Variants in MRPS27 observed in about 807,000 individuals in gnomAD.
The protein encoded by MRPS27 is small ribosomal subunit protein mS27.
MRPS27 carries 43 observed loss-of-function variants against 48.9 expected under a neutral mutation model. The observed-to-expected ratio is 0.88, with a 90% CI of 0.69 to 1.13. MRPS27 has a LOEUF of 1.13. Ranked by LOEUF, MRPS27 falls within the 50% of genes most tolerant of loss-of-function variation. The pLI, the probability that MRPS27 is intolerant of heterozygous loss-of-function variation, is 0.00. For synonymous variants in MRPS27, 188 were observed against 171.9 expected (o/e 1.09, Z -0.73); for missense variants, 467 against 476.3 (o/e 0.98, Z 0.18).
chr5:72,256,974 C>T (rs1748826681), intron 4 of MRPS27, among the ~76,000 whole-genome samples: 1 of 152,090 alleles, frequency 6.6e-6, no homozygotes, highest in Non-Finnish European at 1.5e-5. Flanking sequence ...GAGGTAGTCC[C>T]TAAGATGATT....
At chr5:72,237,950 T>C (rs1270568524) in intron 5 of MRPS27, 64 bp downstream of exon 5, 1 of 1,141,678 alleles carries the variant, frequency 8.8e-7, no homozygotes, top group Non-Finnish European at 1.3e-6. Flanking sequence ...TGTACTACAA[T>C]AGGTACAAAC....
rs1402061472 is a variant in MRPS27, at chr5:72,262,327, T to TG, written c.282-24200dup. On this transcript the variant is annotated intron_variant, in intron 4 of 10. Transcript: ENST00000261413. ...AGTCAACGAAAGGTGCTGCTGCTGC[T>TG]GCTGCTATTATTTCTATGCTGAGGT... 9.8e-5 allele frequency among the ~76,000 whole-genome samples: 15 copies of TG among 152,312 alleles called. No individual in the cohort carries two copies. The South Asian group carries it at 2.3e-3, about 23-fold the overall frequency.
At chr5:72,280,955 T>G (rs1749518428) in intron 4 of MRPS27, among the ~76,000 whole-genome samples, 2 of 152,194 alleles carry the variant, frequency 1.3e-5, no homozygotes, top group South Asian at 4.1e-4. Flanking sequence ...TCTTTTAGGG[T>G]CAGGAAGCTT....
intron 9 of MRPS27, among the ~76,000 whole-genome samples, chr5:72,224,967 C>T (rs773798883): frequency 1.4e-4 from 22 of 152,184 alleles, no homozygotes; most frequent in Non-Finnish European, 5.9e-5. Flanking sequence ...CCTTTTAATA[C>T]CACTAATACA....
intron 4 of MRPS27, among the ~76,000 whole-genome samples, chr5:72,292,715 A>G (rs1485489466): frequency 6.6e-6 from 1 of 152,190 alleles, no homozygotes; most frequent in Non-Finnish European, 1.5e-5. Context: ...AAATTTGATC[A>G]CTAGAAGAGG....
At chr5:72,257,637 T>C (rs536415455) in intron 4 of MRPS27, among the ~76,000 whole-genome samples, 1 of 152,234 alleles carries the variant, frequency 6.6e-6, no homozygotes, top group East Asian at 1.9e-4. Flanking sequence ...CCAAATGTAC[T>C]AGTATTTTAC....
chr5:72,248,291 T>C (rs1242334013), intron 4 of MRPS27, among the ~76,000 whole-genome samples: 1 of 152,184 alleles, frequency 6.6e-6, no homozygotes, highest in Non-Finnish European at 1.5e-5. Flanking sequence ...CAATTCCTTT[T>C]AATAGGATGA....
intron 2 of MRPS27, among the ~76,000 whole-genome samples, chr5:72,310,348 T>C (rs1750410960): frequency 6.6e-6 from 1 of 151,334 alleles, no homozygotes; most frequent in African/African-American, 2.4e-5. Flanking sequence ...CCAGGAAGGG[T>C]ACACAGTGAG....
chr5:72,241,905 A>G (rs1455150629), intron 4 of MRPS27, among the ~76,000 whole-genome samples: 1 of 152,228 alleles, frequency 6.6e-6, no homozygotes, highest in Admixed American at 6.5e-5. Context: ...GGCTGTCAAG[A>G]TAGGCAAACA....
chr5:72,237,387 A>C (rs145161006), intron 5 of MRPS27, among the ~76,000 whole-genome samples: 1 of 152,292 alleles, frequency 6.6e-6, no homozygotes, highest in East Asian at 1.9e-4. Flanking sequence ...CTCAAAAACA[A>C]AATCAGTATT....
intron 4 of MRPS27, among the ~76,000 whole-genome samples, chr5:72,246,947 C>G (rs891146422): frequency 6.6e-6 from 1 of 152,162 alleles, no homozygotes; most frequent in Non-Finnish European, 1.5e-5. Context: ...AACATCTCTT[C>G]TAAATTTAGG....
intron 4 of MRPS27, among the ~76,000 whole-genome samples, chr5:72,275,230 C>T (rs549651723): frequency 6.6e-6 from 1 of 152,162 alleles, no homozygotes; most frequent in Non-Finnish European, 1.5e-5. Context: ...TTCCTATGTA[C>T]CAACAACACA....
chr5:72,316,637 G>A (rs1176984225), intron 1 of MRPS27, among the ~76,000 whole-genome samples: 2 of 151,854 alleles, frequency 1.3e-5, no homozygotes, highest in Non-Finnish European at 2.9e-5. Flanking sequence ...CAAAGTGCTG[G>A]GATTACAGGC....
At chr5:72,237,865 C>A in intron 5 of MRPS27, 149 bp downstream of exon 5, 1 of 559,536 alleles carries the variant, frequency 1.8e-6, no homozygotes, top group South Asian at 2.9e-5. Flanking sequence ...TGAACTTATA[C>A]CCAGCTCCAT....
intron 2 of MRPS27, among the ~76,000 whole-genome samples, chr5:72,297,929 G>A (rs1701110445): frequency 6.6e-6 from 1 of 152,040 alleles, no homozygotes; most frequent in Non-Finnish European, 1.5e-5. Flanking sequence ...CATGTATTTA[G>A]CTTTTAAAAA....
At position 72,265,238 on chromosome 5, in the gene MRPS27, C is replaced by A. The variant is rs75982244; in HGVS notation, c.282-27110G>T. Among the ~76,000 whole-genome samples, 552 of 152,272 alleles carry A rather than the reference C, an allele frequency of 3.6e-3. 3 individuals are homozygous for A. Among genetic ancestry groups the A allele is most frequent in the African/African-American group, 0.013 (536 of 41,558 alleles). ...TCTAGGCCACATATGACCAATGTAA[C>A]CTGAGTAATACAAACTAAGTGCTAC... On this transcript the variant is annotated intron_variant, in intron 4 of 10. Coordinates refer to ENST00000261413, the MANE Select transcript of MRPS27 (RefSeq NM_015084.3).
chr5:72,309,261 T>A (rs192090256), intron 2 of MRPS27, among the ~76,000 whole-genome samples: 179 of 151,534 alleles, frequency 1.2e-3, no homozygotes, highest in African/African-American at 4.1e-3. Flanking sequence ...TGATATTTAC[T>A]CATTGCAGAC....
chr5:72,295,471 T>C lies in MRPS27; in HGVS notation c.281+60A>G. The C allele has an allele frequency of 3.1e-6, 4 of 1,295,156 alleles. No homozygotes were observed. In the South Asian group the frequency reaches 5.1e-5, roughly 16 times the overall value. The allele number at this position is 1,295,156 out of a possible 1,614,324, so 80.2% of individuals were successfully genotyped here. ...AATTATACACAACATATACCAACTT[T>C]TATGTAAAAAAGGGGTGTGAAATCA... On this transcript the variant is annotated intron_variant, in intron 4 of 10. Transcript: ENST00000261413.
intron 4 of MRPS27, among the ~76,000 whole-genome samples, chr5:72,265,771 T>C (rs569246014): frequency 1.4e-3 from 208 of 152,326 alleles, no homozygotes; most frequent in African/African-American, 4.7e-3. Context: ...CAAGAAGCCA[T>C]TAATATAACT....
Sources: gnomAD v4.1 joint callset for allele counts (sites outside exome capture counted in the v4.1 genomes callset) on GRCh38, gnomAD v4.1.1 for gene constraint, MANE v1.5 for transcripts, NCBI Gene and HGNC (gene_info 2026-07-23, HGNC 2026-07-21) for gene names.